Variants in EPDR1 observed in about 807,000 individuals in gnomAD.
EPDR1 encodes the protein mammalian ependymin-related protein 1.
In EPDR1, 27 loss-of-function variants were observed where a neutral mutation model predicts 23.7. The observed-to-expected ratio is 1.14, with a 90% CI of 0.84 to 1.57. EPDR1 has a LOEUF of 1.57. Ranked by LOEUF, EPDR1 falls within the 40% of genes most tolerant of loss-of-function variation. The probability of loss-of-function intolerance (pLI) is 0.00; values close to 1 mark genes in which losing one functional copy is unlikely to be tolerated. For missense variants in EPDR1, 349 were observed against 290.4 expected (o/e 1.20, Z -1.47); for synonymous variants, 137 against 118.2 (o/e 1.16, Z -1.03).
chr7:37,947,371 C>T (rs1174610470), intron 1 of EPDR1, among the ~76,000 whole-genome samples: 3 of 152,184 alleles, frequency 2.0e-5, no homozygotes, highest in African/African-American at 7.2e-5. Context: ...TAACTGCACT[C>T]TATGATGTTC....
Position 37,930,361 on chromosome 7 carries a change from G to A in EPDR1, c.269+9153G>A, listed in dbSNP as rs371124206. Among the ~76,000 whole-genome samples, 25 of 152,352 alleles carry A rather than the reference G, an allele frequency of 1.6e-4. No homozygotes were observed. In the East Asian group the frequency reaches 4.4e-3, roughly 27 times the overall value. Reference sequence around the variant, plus strand: ...GCACAGCTCTGCCTGACGCAGCATTGTCAGCAATAGGTAACATATAACTTA... The same window carrying A: ...GCACAGCTCTGCCTGACGCAGCATTATCAGCAATAGGTAACATATAACTTA... On this transcript the variant is annotated intron_variant, in intron 1 of 2. Transcript: ENST00000199448.
intron 1 of EPDR1, among the ~76,000 whole-genome samples, chr7:37,932,684 T>TC (rs1193453391): frequency 3.3e-5 from 5 of 152,212 alleles, no homozygotes; most frequent in Non-Finnish European, 5.9e-5. Context: ...TTAGAGGACA[T>TC]CCCCTGCTAT....
At chr7:37,950,132 C>A (rs1562865492) in intron 2 of EPDR1, 68 bp from the exon 3 acceptor site, 3 of 1,202,550 alleles carry the variant, frequency 2.5e-6, no homozygotes, top group Non-Finnish European at 2.3e-6. Context: ...CATTTTACCA[C>A]CATAAGAAAA....
intron 1 of EPDR1, among the ~76,000 whole-genome samples, chr7:37,941,464 C>T (rs1786171315): frequency 6.6e-6 from 1 of 152,160 alleles, no homozygotes; most frequent in African/African-American, 2.4e-5. Flanking sequence ...ATGATAAAGT[C>T]CAAAGTATAC....
At chr7:37,940,794 G>A (rs1216655347) in intron 1 of EPDR1, among the ~76,000 whole-genome samples, 1 of 133,370 alleles carries the variant, frequency 7.5e-6, no homozygotes, top group Non-Finnish European at 1.7e-5. Context: ...ATATGAATTC[G>A]AGTTTTTTTT....
At chr7:37,945,408 A>G (rs1124268) in intron 1 of EPDR1, among the ~76,000 whole-genome samples, 114,521 of 152,122 alleles carry the variant, frequency 0.75, 44,426 homozygotes, top group East Asian at 0.99. Context: ...TCTGAAATAA[A>G]CAAGATACAC....
intron 1 of EPDR1, among the ~76,000 whole-genome samples, chr7:37,945,412 GATAC>G (rs1226396731): frequency 6.6e-6 from 1 of 152,084 alleles, no homozygotes; most frequent in Non-Finnish European, 1.5e-5. Context: ...AAATAAACAA[GATAC>G]ACATAAAGGT....
chr7:37,934,058 G>A (rs1221473345), intron 1 of EPDR1, among the ~76,000 whole-genome samples: 2 of 149,138 alleles, frequency 1.3e-5, no homozygotes, highest in African/African-American at 5.0e-5. Context: ...CTCACTACAA[G>A]CTCCACTTCC....
intron 1 of EPDR1, among the ~76,000 whole-genome samples, chr7:37,934,356 C>T (rs1008116444): frequency 6.6e-6 from 1 of 152,160 alleles, no homozygotes; most frequent in Non-Finnish European, 1.5e-5. Flanking sequence ...AAGATGGCTG[C>T]CTCTGCTCCT....
intron 1 of EPDR1, among the ~76,000 whole-genome samples, chr7:37,925,748 A>G (rs1181717230): frequency 6.6e-6 from 1 of 152,160 alleles, no homozygotes; most frequent in African/African-American, 2.4e-5. Context: ...GTTGATACTA[A>G]ATCACTTTTA....
intron 1 of EPDR1, among the ~76,000 whole-genome samples, chr7:37,928,688 C>T (rs1274749946): frequency 6.6e-6 from 1 of 152,168 alleles, no homozygotes; most frequent in Non-Finnish European, 1.5e-5. Flanking sequence ...TTTTCCTTCT[C>T]CCACCTTATT....
intron 1 of EPDR1, among the ~76,000 whole-genome samples, chr7:37,947,239 A>G (rs575741241): frequency 6.6e-6 from 1 of 152,154 alleles, no homozygotes; most frequent in Admixed American, 6.6e-5. Flanking sequence ...AATGCTTACC[A>G]TTGTGTTACA....
chr7:37,932,710 A>C (rs1785969134), intron 1 of EPDR1, among the ~76,000 whole-genome samples: 1 of 152,164 alleles, frequency 6.6e-6, no homozygotes, highest in South Asian at 2.1e-4. Flanking sequence ...TTTAGAAGCC[A>C]CTGAGCACCA....
rs754973186 is a variant in EPDR1 at position 37,921,090 on chromosome 7, C to A, written c.151C>A (p.Arg51Ser). The A allele has an allele frequency of 1.3e-6, 2 of 1,583,006 alleles. No homozygotes were observed. The highest frequency in any genetic ancestry group is 1.7e-5 in the Admixed American group (1 of 58,346). ...PCQAPQQWEG[R>S]QVMYQQSSGR... is the part of the protein sequence containing the mutation. Reference sequence around the variant, plus strand: ...CCAGGCGCCGCAGCAGTGGGAGGGGCGCCAGGTTATGTACCAGCAAAGTAG... The same window carrying A: ...CCAGGCGCCGCAGCAGTGGGAGGGGAGCCAGGTTATGTACCAGCAAAGTAG... The change falls in exon 1 of 3, where the codon CGC (arginine) becomes AGC (serine). Residue 51 changes from arginine to serine, a missense_variant. Physicochemically the swap from Arg to Ser is moderately radical, Grantham distance 110. Coordinates refer to ENST00000199448, the MANE Select transcript of EPDR1 (RefSeq NM_017549.5).
At position 37,921,355 on chromosome 7, in the gene EPDR1, T is replaced by C. The variant is rs546823212; in HGVS notation, c.269+147T>C. ...AGAGATCTTTCGCGAGGAGGGTCTC[T>C]TGGGGATAGCATGGTCCGGGACTGG... On this transcript the variant is annotated intron_variant, in intron 1 of 2. Transcript: ENST00000199448. 4.2e-6 allele frequency: 6 copies of C among 1,416,260 alleles called. No individual in the cohort carries two copies. The East Asian group carries it at 8.5e-5, about 20-fold the overall frequency. The allele number at this position is 1,416,260 out of a possible 1,614,324, so 87.7% of individuals were successfully genotyped here.
intron 1 of EPDR1, among the ~76,000 whole-genome samples, chr7:37,927,174 C>T (rs1785830914): frequency 6.6e-6 from 1 of 152,188 alleles, no homozygotes; most frequent in South Asian, 2.1e-4. Flanking sequence ...ATGCTCAGTG[C>T]TATCAGGTGG....
At chr7:37,921,250 C>G in intron 1 of EPDR1, 42 bp downstream of exon 1, 2 of 1,546,744 alleles carry the variant, frequency 1.3e-6, no homozygotes, top group Non-Finnish European at 1.7e-6. Flanking sequence ...GGGAGCCGCG[C>G]GGGCATGGGG....
chr7:37,921,042 G>A lies in EPDR1; in HGVS notation c.103G>A (p.Ala35Thr), dbSNP rs1180092689. Reference protein sequence around the residue: ...WTLCGLCSLGAVGAPRPCQAP... With the variant: ...WTLCGLCSLGTVGAPRPCQAP... ...CCTGTGCGGCCTGTGCAGCCTGGGG[G>A]CGGTGGGAGCCCCGCGCCCGTGCCA... is the stretch of plus-strand genomic sequence containing the variant. The change falls in exon 1 of 3, where the codon GCG (alanine) becomes ACG (threonine). Residue 35 changes from alanine to threonine, a missense_variant. Ala to Thr is a moderately conservative substitution (Grantham distance 58). Transcript: ENST00000199448. The A allele has an allele frequency of 2.6e-6, 4 of 1,533,280 alleles. No homozygotes were observed. The highest frequency in any genetic ancestry group is 2.4e-5 in the South Asian group (2 of 82,130). 95.0% of individuals were successfully genotyped at this position (1,533,280 alleles called of 1,614,324 possible).
intron 1 of EPDR1, among the ~76,000 whole-genome samples, chr7:37,947,694 T>A (rs1786305516): frequency 6.6e-6 from 1 of 152,170 alleles, no homozygotes; most frequent in Admixed American, 6.5e-5. Flanking sequence ...GCAAGACACA[T>A]TTTCTTGACC....
Sources: allele counts gnomAD v4.1 joint callset (sites outside exome capture counted in the v4.1 genomes callset), GRCh38; gene constraint gnomAD v4.1.1; transcripts MANE v1.5; gene names NCBI Gene and HGNC (gene_info 2026-07-23, HGNC 2026-07-21).